DDX39A: variants seen among roughly 807,000 people sequenced by gnomAD.
DDX39A encodes DExD-box helicase 39A.
Under a neutral mutation model 46.3 loss-of-function variants are expected in DDX39A, and 13 were observed. The ratio of observed to expected loss-of-function variants is 0.28; its 90% CI spans 0.18 to 0.45. The LOEUF is 0.45. Ranked by LOEUF, DDX39A falls within the 20% of genes least tolerant of loss-of-function variation. DDX39A has a pLI of 1.00. For synonymous variants in DDX39A, 234 were observed against 224.6 expected (o/e 1.04, Z -0.38); for missense variants, 352 against 581.8 (o/e 0.61, Z 4.06).
rs753933390 is a variant in DDX39A at position 14,411,182 on chromosome 19, T to A, written c.430-10A>T. 1.3e-6 allele frequency: 2 copies of A among 1,564,178 alleles called. No homozygotes were observed. Among genetic ancestry groups the A allele is most frequent in the Non-Finnish European group, 1.7e-6 (2 of 1,155,646 alleles). On this transcript the variant is annotated splice_polypyrimidine_tract_variant and intron_variant, in intron 4 of 10. Coordinates refer to ENST00000242776, the MANE Select transcript of DDX39A (RefSeq NM_005804.4). This position sits in a 1 kb window ranked among gnomAD's most constrained non-coding sequence, Gnocchi z 4.1. ...CGAAGAACACAGACACCTATGGGGA[T>A]GAGGAGGAAACCGCTCCATGCTGAT...
At position 14,410,160 on chromosome 19, in the gene DDX39A, G is replaced by A. The variant is rs2146386181; in HGVS notation, c.732+56C>T. On this transcript the variant is annotated intron_variant, in intron 6 of 10. Transcript: ENST00000242776. The surrounding 1 kb of genome is among the most constrained non-coding windows in gnomAD (Gnocchi z 4.3). ...ATGTGGGCCGTGCGGGTGTCCTGGG[G>A]CCCCAGGCTCCAGGCCCCTGGGGAA... The A allele has an allele frequency of 2.0e-6, 3 of 1,533,946 alleles. No individual in the cohort carries two copies. The South Asian group carries it at 3.4e-5, about 17-fold the overall frequency.
chr19:14,410,129 C>T lies in DDX39A; in HGVS notation c.732+87G>A, dbSNP rs1444855782. The T allele has an allele frequency of 1.7e-5, 21 of 1,250,478 alleles. No individual in the cohort carries two copies. The highest frequency in any genetic ancestry group is 2.2e-5 in the Non-Finnish European group (19 of 856,590). 77.5% of individuals were successfully genotyped at this position (1,250,478 alleles called of 1,614,324 possible). Reference sequence around the variant, plus strand: ...CGGCTCCCAGCATCCCAGCATCCTCCGTGCCATGTGGGCCGTGCGGGTGTC... The same window carrying T: ...CGGCTCCCAGCATCCCAGCATCCTCTGTGCCATGTGGGCCGTGCGGGTGTC... On this transcript the variant is annotated intron_variant, in intron 6 of 10. Coordinates refer to ENST00000242776, the MANE Select transcript of DDX39A (RefSeq NM_005804.4). The surrounding 1 kb of genome is among the most constrained non-coding windows in gnomAD (Gnocchi z 4.3).
At chr19:14,413,897 C>T (rs145431108) in intron 1 of DDX39A, 5 of 152,432 alleles carry the variant, frequency 3.3e-5, no homozygotes, top group African/African-American at 9.6e-5. Context: ...TAAGTGCTCT[C>T]ATGAAAGGCC....
rs372752626 is a variant in DDX39A, at chr19:14,412,530, G to A, written c.336+21C>T. On this transcript the variant is annotated intron_variant, in intron 3 of 10. Transcript: ENST00000242776. The surrounding 1 kb of genome is among the most constrained non-coding windows in gnomAD (Gnocchi z 4.4). ...CGCCGCCACAGGCAGGGTGGGGCCAGGAAGGGAGGAGCCCACCCACCTGTC... is the reference window on the plus strand; with the variant it reads ...CGCCGCCACAGGCAGGGTGGGGCCAAGAAGGGAGGAGCCCACCCACCTGTC... 21 of 1,601,002 alleles carry A rather than the reference G, an allele frequency of 1.3e-5. No homozygotes were observed. The African/African-American group carries it at 1.6e-4, about 12-fold the overall frequency.
Position 14,411,238 on chromosome 19 carries a change from C to G in DDX39A, c.430-66G>C. The G allele has an allele frequency of 6.6e-7, 1 of 1,503,916 alleles. No homozygotes were observed. The highest frequency in any genetic ancestry group is 2.2e-5 in the Admixed American group (1 of 45,512). The allele number at this position is 1,503,916 out of a possible 1,614,324, so 93.2% of individuals were successfully genotyped here. On this transcript the variant is annotated intron_variant, in intron 4 of 10. Coordinates refer to ENST00000242776, the MANE Select transcript of DDX39A (RefSeq NM_005804.4). The surrounding 1 kb of genome is among the most constrained non-coding windows in gnomAD (Gnocchi z 4.1). ...GCCCAAGGCCCCAACCTGCACGGCCCAGCACCTGCGAACAGGAGGCCTCAG... is the reference window on the plus strand; with the variant it reads ...GCCCAAGGCCCCAACCTGCACGGCCGAGCACCTGCGAACAGGAGGCCTCAG...
At chr19:14,413,613 G>A (rs912030953) in intron 1 of DDX39A, among the ~76,000 whole-genome samples, 2 of 152,102 alleles carry the variant, frequency 1.3e-5, no homozygotes, top group Non-Finnish European at 1.5e-5. Context: ...GGCTGTCACC[G>A]CCAGGAATGC....
chr19:14,411,514 T>G lies in DDX39A; in HGVS notation c.421A>C (p.Ser141Arg), dbSNP rs758580560. 6.2e-7 allele frequency: 1 copy of G among 1,614,104 alleles called. No homozygotes were observed. Among genetic ancestry groups the G allele is most frequent in the South Asian group, 1.1e-5 (1 of 91,082 alleles). ...TGGCCCGAGGGACTCACCTTGACGC[T>G]GGGCATGTACTTGGAAAAGCGCTCA... The part of the protein sequence containing the change: ...EYERFSKYMP[S>R]VKVSVFFGGL... Residue 141 changes from serine to arginine, a missense_variant, in exon 4 of 11, where the codon AGC becomes CGC. Physicochemically the swap from Ser to Arg is moderately radical, Grantham distance 110 (BLOSUM62 -1). This residue lies in a region of DDX39A where 301 missense variants were observed against 469.9 expected (regional missense o/e 0.64). Transcript: ENST00000242776. This position sits in a 1 kb window ranked among gnomAD's most constrained non-coding sequence, Gnocchi z 4.1.
At position 14,411,170 on chromosome 19, in the gene DDX39A, C is replaced by A. The variant is rs750173208; in HGVS notation, c.432G>T (p.Val144=). ...TGGAGAGACCACCGAAGAACACAGA[C>A]ACCTATGGGGATGAGGAGGAAACCG... ...RFSKYMPSVK[V]SVFFGGLSIK... Residue 144 remains valine, a splice_region_variant and synonymous_variant, in exon 5 of 11, where the codon GTG becomes GTT. Coordinates refer to ENST00000242776, the MANE Select transcript of DDX39A (RefSeq NM_005804.4). This position sits in a 1 kb window ranked among gnomAD's most constrained non-coding sequence, Gnocchi z 4.1. 109 of 1,578,522 alleles carry A rather than the reference C, an allele frequency of 6.9e-5. No homozygotes were observed. The highest frequency in any genetic ancestry group is 9.2e-5 in the Non-Finnish European group (107 of 1,163,172).
Position 14,409,791 on chromosome 19 carries a change from T to C in DDX39A, c.815A>G (p.Glu272Gly). 6.2e-7 allele frequency: 1 copy of C among 1,614,126 alleles called. No homozygotes were observed. The highest frequency in any genetic ancestry group is 8.5e-7 in the Non-Finnish European group (1 of 1,180,024). ...QQYYVKLKDSEKNRKLFDLLD... is the reference protein window; with the variant it reads ...QQYYVKLKDSGKNRKLFDLLD... ...GAGATCAAAGAGCTTGCGGTTCTTC[T>C]CACTGTCTTTGAGTTTGACGTAGTA... Residue 272 changes from glutamate to glycine, a missense_variant, in exon 7 of 11, where the codon GAG becomes GGG. Around this residue, in one of 3 missense-constraint regions of DDX39A, gnomAD observed 301 missense variants for 469.9 expected, o/e 0.64. Transcript: ENST00000242776. This position sits in a 1 kb window ranked among gnomAD's most constrained non-coding sequence, Gnocchi z 8.3.
rs188717433 is a variant in DDX39A, at chr19:14,409,412, C to T, written c.1010G>A (p.Arg337Gln). The part of the protein sequence containing the change: ...SRYQQFKDFQ[R>Q]RILVATNLFG... ...CAGATTGGTGGCCACCAGGATCCGC[C>T]GCTGGAAATCCTTGAACTGCTGATA... Residue 337 changes from arginine to glutamine, a missense_variant, in exon 9 of 11, where the codon CGG becomes CAG. Transcript: ENST00000242776. This position sits in a 1 kb window ranked among gnomAD's most constrained non-coding sequence, Gnocchi z 8.3. 1.2e-5 allele frequency: 20 copies of T among 1,614,188 alleles called. No individual in the cohort carries two copies. Among genetic ancestry groups the T allele is most frequent in the East Asian group, 8.9e-5 (4 of 44,886 alleles).
Position 14,412,499 on chromosome 19 carries a change from T to C in DDX39A, c.336+52A>G. Reference sequence around the variant, plus strand: ...GTGAGCCACCCCATCCAGCCTACTCTACTTCCGCCGCCACAGGCAGGGTGG... The same window carrying C: ...GTGAGCCACCCCATCCAGCCTACTCCACTTCCGCCGCCACAGGCAGGGTGG... On this transcript the variant is annotated intron_variant, in intron 3 of 10. Transcript: ENST00000242776. The surrounding 1 kb of genome is among the most constrained non-coding windows in gnomAD (Gnocchi z 4.4). The C allele has an allele frequency of 6.3e-7, 1 of 1,579,288 alleles. No individual in the cohort carries two copies. Among genetic ancestry groups the C allele is most frequent in the South Asian group, 1.1e-5 (1 of 88,326 alleles).
rs7249789 is a variant in DDX39A, at chr19:14,418,619, G to A, written c.-5+651C>T. On this transcript the variant is annotated intron_variant, in intron 1 of 10. Coordinates refer to ENST00000242776, the MANE Select transcript of DDX39A (RefSeq NM_005804.4). ...ACCACAGGCGCTCGCCACCACGCTC[G>A]GCTGATTTTTTTTTGTATTTTGAGT... 2.3e-3 allele frequency among the ~76,000 whole-genome samples: 349 copies of A among 150,358 alleles called. 3 individuals are homozygous for A. The highest frequency in any genetic ancestry group is 8.6e-3 in the African/African-American group (342 of 39,924).
chr19:14,409,729 A>G lies in DDX39A; in HGVS notation c.864+13T>C, dbSNP rs1976485339. On this transcript the variant is annotated intron_variant, in intron 7 of 10. Transcript: ENST00000242776. The surrounding 1 kb of genome is among the most constrained non-coding windows in gnomAD (Gnocchi z 8.3). ...AGGTCCTGAGCCCCAGGACAGGCTG[A>G]TGGAAGTATCACCTGGTTAAACTCC... 1 of 1,614,122 alleles carries G rather than the reference A, an allele frequency of 6.2e-7. No homozygotes were observed. Among genetic ancestry groups the G allele is most frequent in the East Asian group, 2.2e-5 (1 of 44,892 alleles).
At chr19:14,416,692 T>C (rs1976823051) in intron 1 of DDX39A, among the ~76,000 whole-genome samples, 1 of 152,136 alleles carries the variant, frequency 6.6e-6, no homozygotes, top group African/African-American at 2.4e-5. Flanking sequence ...GTTTGTTTGT[T>C]TTTTTGTTTT....
Position 14,412,620 on chromosome 19 carries a change from C to T in DDX39A, c.267G>A (p.Lys89=), listed in dbSNP as rs1458191671. 27 of 1,610,786 alleles carry T rather than the reference C, an allele frequency of 1.7e-5. No homozygotes were observed. Among genetic ancestry groups the T allele is most frequent in the Non-Finnish European group, 2.3e-5 (27 of 1,180,026 alleles). ...ILGMDVLCQA[K]SGMGKTAVFV... ...AGACCGCTGTCTTGCCCATCCCGGACTTGGCCTGGCACAGGACGTCCATGC... is the reference window on the plus strand; with the variant it reads ...AGACCGCTGTCTTGCCCATCCCGGATTTGGCCTGGCACAGGACGTCCATGC... The change falls in exon 3 of 11, where the codon AAG becomes AAA. Residue 89 remains lysine, a synonymous_variant. Coordinates refer to ENST00000242776, the MANE Select transcript of DDX39A (RefSeq NM_005804.4). The surrounding 1 kb of genome is among the most constrained non-coding windows in gnomAD (Gnocchi z 4.4).
Position 14,412,980 on chromosome 19 carries a change from C to T in DDX39A, c.208+33G>A. On this transcript the variant is annotated intron_variant, in intron 2 of 10. Coordinates refer to ENST00000242776, the MANE Select transcript of DDX39A (RefSeq NM_005804.4). This position sits in a 1 kb window ranked among gnomAD's most constrained non-coding sequence, Gnocchi z 4.4. ...AGGGCTGGTCTTGTCTTGGTGAGGA[C>T]CTGGGCAAGAGGATAACACCCAGAA... The T allele has an allele frequency of 6.2e-7, 1 of 1,602,988 alleles. No homozygotes were observed. The highest frequency in any genetic ancestry group is 8.5e-7 in the Non-Finnish European group (1 of 1,173,446).
chr19:14,414,936 TAAAAAAA>T (rs1006829482), intron 1 of DDX39A, among the ~76,000 whole-genome samples: 10 of 72,812 alleles, frequency 1.4e-4, no homozygotes, highest in South Asian at 4.7e-4. Flanking sequence ...CACTCCAGCC[TAAAAAAA>T]AAAAAAAAAA....
In DDX39A at chr19:14,410,028, G is replaced by A; in HGVS notation, c.733-155C>T. Reference sequence around the variant, plus strand: ...AACATCGCTCAAAAGCTGGATGTAAGCTCTGGCCCGACTCAGGTGTGGACC... The same window carrying A: ...AACATCGCTCAAAAGCTGGATGTAAACTCTGGCCCGACTCAGGTGTGGACC... On this transcript the variant is annotated intron_variant, in intron 6 of 10. Transcript: ENST00000242776. The surrounding 1 kb of genome is among the most constrained non-coding windows in gnomAD (Gnocchi z 4.3). 1 of 1,129,554 alleles carries A rather than the reference G, an allele frequency of 8.9e-7. No homozygotes were observed. The highest frequency in any genetic ancestry group is 1.3e-6 in the Non-Finnish European group (1 of 756,264). The allele number at this position is 1,129,554 out of a possible 1,614,324, so 70.0% of individuals were successfully genotyped here. A position where few individuals can be genotyped will look rare whatever the true frequency, so the allele number is the denominator to read the frequency against.
At chr19:14,416,881 C>A (rs555785240) in intron 1 of DDX39A, among the ~76,000 whole-genome samples, 304 of 152,190 alleles carry the variant, frequency 2.0e-3, no homozygotes, top group African/African-American at 6.7e-3. Flanking sequence ...CAGTGTTTCA[C>A]CACGTTTCCC....
Sources: allele counts gnomAD v4.1 joint callset (sites outside exome capture counted in the v4.1 genomes callset), GRCh38; gene constraint gnomAD v4.1.1; regional missense constraint gnomAD v4.1.1; non-coding constraint Gnocchi (gnomAD v3.1); transcripts MANE v1.5; gene names NCBI Gene and HGNC (gene_info 2026-07-23, HGNC 2026-07-21).